The following TNS3 variants were observed in gnomAD, a reference collection of about 807,000 sequenced individuals.
TNS3 encodes the protein tensin-3.
A neutral mutation model predicts 140.9 loss-of-function variants in TNS3; 45 were observed. That is an observed-to-expected ratio of 0.32 (90% CI 0.25 to 0.41). The LOEUF (loss-of-function observed/expected upper bound fraction) is 0.41, where lower values mean the gene tolerates loss of function less well. TNS3 is among the 10% of genes least tolerant of loss of function. The pLI is 1.00. For missense variants in TNS3, 1,716 were observed against 1,906.7 expected, an observed-to-expected ratio of 0.90 and a Z score of 1.86; for synonymous variants, 815 against 788.4, an observed-to-expected ratio of 1.03 and a Z score of -0.56.
intron 1 of TNS3, among the ~76,000 whole-genome samples, chr7:47,541,329 GA>G (rs1439043192): frequency 6.6e-6 from 1 of 152,096 alleles, no homozygotes; most frequent in East Asian, 1.9e-4. Flanking sequence ...AATCAAAGTA[GA>G]TGTGAATGTG....
At chr7:47,325,044 T>C (rs1222994133) in intron 20 of TNS3, among the ~76,000 whole-genome samples, 2 of 151,982 alleles carry the variant, frequency 1.3e-5, no homozygotes, top group African/African-American at 2.4e-5. Context: ...AAACCAGACT[T>C]GGAGGAGTCA....
chr7:47,424,077 C>A, intron 10 of TNS3, 24 bp downstream of exon 10: 1 of 1,612,206 alleles, frequency 6.2e-7, no homozygotes. Flanking sequence ...CCTCTTCACT[C>A]TGGCTTTGGG....
At chr7:47,322,213 CAAAAAAAAAAAAAA>C (rs759875153) in intron 20 of TNS3, among the ~76,000 whole-genome samples, 81 of 49,928 alleles carry the variant, frequency 1.6e-3, no homozygotes, top group African/African-American at 6.1e-3. Flanking sequence ...GTAGAACGGG[CAAAAAAAAAAAAAA>C]AAAAAAAAAG....
intron 1 of TNS3, among the ~76,000 whole-genome samples, chr7:47,568,517 T>C (rs1178531317): frequency 6.6e-6 from 1 of 152,134 alleles, no homozygotes; most frequent in East Asian, 1.9e-4. Flanking sequence ...ATGAGCTGCA[T>C]GAAAGGAATG....
intron 27 of TNS3, among the ~76,000 whole-genome samples, chr7:47,284,528 A>G (rs932268270): frequency 1.3e-5 from 2 of 152,150 alleles, no homozygotes; most frequent in African/African-American, 4.8e-5. Context: ...TTTCCCTTCT[A>G]GCCTGTGACC....
At chr7:47,417,319 C>T (rs573552542) in intron 10 of TNS3, among the ~76,000 whole-genome samples, 1 of 152,332 alleles carries the variant, frequency 6.6e-6, no homozygotes, top group South Asian at 2.1e-4. Flanking sequence ...TGTGGCCTGG[C>T]CGAAATTGTT....
intron 20 of TNS3, among the ~76,000 whole-genome samples, chr7:47,320,612 G>A (rs969279306): frequency 1.3e-5 from 2 of 152,198 alleles, no homozygotes; most frequent in African/African-American, 4.8e-5. Flanking sequence ...CCCTCTGTGT[G>A]TCTGTGTCCT....
intron 3 of TNS3, among the ~76,000 whole-genome samples, chr7:47,484,151 A>G (rs1048267358): frequency 6.6e-6 from 1 of 152,186 alleles, no homozygotes; most frequent in Non-Finnish European, 1.5e-5. Context: ...CTGTTTGCAC[A>G]TGTGCTGTTA....
chr7:47,482,206 C>T (rs1422029086), intron 3 of TNS3, among the ~76,000 whole-genome samples: 1 of 152,242 alleles, frequency 6.6e-6, no homozygotes, highest in Non-Finnish European at 1.5e-5. Flanking sequence ...CGTAGAGAAT[C>T]TCAGAGATCT....
At chr7:47,394,172 G>T (rs566101289) in intron 16 of TNS3, among the ~76,000 whole-genome samples, 1 of 152,206 alleles carries the variant, frequency 6.6e-6, no homozygotes, top group African/African-American at 2.4e-5. Flanking sequence ...CAAGAAACAC[G>T]CATTGAGTAT....
chr7:47,525,870 A>G (rs988192896), intron 2 of TNS3, among the ~76,000 whole-genome samples: 1 of 152,356 alleles, frequency 6.6e-6, no homozygotes, highest in East Asian at 1.9e-4. Flanking sequence ...CACACGCCAC[A>G]TATTTAAAAT....
chr7:47,322,793 T>G (rs905510770), intron 20 of TNS3, among the ~76,000 whole-genome samples: 3 of 152,136 alleles, frequency 2.0e-5, no homozygotes, highest in Non-Finnish European at 4.4e-5. Flanking sequence ...ACCCGGGGCA[T>G]GAAGCCCTCT....
chr7:47,343,515 G>C (rs1165918287), intron 20 of TNS3, among the ~76,000 whole-genome samples: 1 of 152,220 alleles, frequency 6.6e-6, no homozygotes, highest in Non-Finnish European at 1.5e-5. Flanking sequence ...CAGAGGGCTA[G>C]ATGCCAGCCC....
intron 10 of TNS3, among the ~76,000 whole-genome samples, chr7:47,416,931 CT>C (rs1794111798): frequency 1.3e-5 from 2 of 152,178 alleles, no homozygotes; most frequent in African/African-American, 4.8e-5. Flanking sequence ...GCCCTGGTCA[CT>C]GGGAAATCAG....
chr7:47,470,519 G>A (rs1269171078), intron 4 of TNS3: 5 of 985,312 alleles, frequency 5.1e-6, no homozygotes, highest in Non-Finnish European at 6.0e-6. Context: ...CTGCTTACAG[G>A]TGAGTCCAGG....
intron 4 of TNS3, among the ~76,000 whole-genome samples, chr7:47,442,719 C>T (rs1795527438): frequency 6.6e-6 from 1 of 152,156 alleles, no homozygotes; most frequent in African/African-American, 2.4e-5. Flanking sequence ...CCCAGACACC[C>T]ACTACAGGGC....
At chr7:47,388,972 G>A in intron 16 of TNS3, among the ~76,000 whole-genome samples, 1 of 150,032 alleles carries the variant, frequency 6.7e-6, no homozygotes, top group Non-Finnish European at 1.5e-5. Context: ...AGCAGAAGCA[G>A]AAGAAGCAGC....
chr7:47,383,647 G>A (rs984293990), intron 16 of TNS3, among the ~76,000 whole-genome samples: 5 of 152,192 alleles, frequency 3.3e-5, no homozygotes, highest in African/African-American at 4.8e-5. Flanking sequence ...CAACCAGCCC[G>A]AGGCTCGCAC....
intron 2 of TNS3, among the ~76,000 whole-genome samples, chr7:47,511,221 A>G (rs1041345574): frequency 6.6e-6 from 1 of 152,162 alleles, no homozygotes; most frequent in Non-Finnish European, 1.5e-5. Flanking sequence ...AATAGCTACA[A>G]TGGCCGGAAA....
Sources: gnomAD v4.1 joint callset for allele counts (sites outside exome capture counted in the v4.1 genomes callset) on GRCh38, gnomAD v4.1.1 for gene constraint, MANE v1.5 for transcripts, NCBI Gene and HGNC (gene_info 2026-07-23, HGNC 2026-07-21) for gene names.